CCNI2: variants seen among roughly 807,000 people sequenced by gnomAD.
CCNI2 encodes cyclin I family member 2, also known as cyclin-I2.
A neutral mutation model predicts 33.2 loss-of-function variants in CCNI2; 32 were observed. That is an observed-to-expected ratio of 0.96 (90% confidence interval 0.73 to 1.30). CCNI2 has a LOEUF of 1.30. Among genes scored for constraint, CCNI2 ranks in the 50% most tolerant of loss-of-function variants. The pLI, the probability that CCNI2 is intolerant of heterozygous loss-of-function variation, is 0.00. For missense variants in CCNI2, 452 were observed against 486.2 expected, an observed-to-expected ratio of 0.93 and a Z score of 0.66; for synonymous variants, 231 against 219.9, an observed-to-expected ratio of 1.05 and a Z score of -0.45.
chr5:132,752,038 G>A lies in CCNI2; in HGVS notation c.847G>A (p.Val283Ile), dbSNP rs780414471. ...GCCTCAGAGGAATCCTTCCCTCCAC[G>A]TCGCATCCCTGACCAGGCAGCTGCA... ...LLPQRNPSLH[V>I]ASLTRQLQHC... The change falls in exon 5 of 6, where the codon GTC (valine) becomes ATC (isoleucine). Residue 283 changes from valine to isoleucine, a missense_variant. Physicochemically the swap from Val to Ile is conservative, Grantham distance 29. Transcript: ENST00000378731. 11 of 1,611,346 alleles carry A rather than the reference G, an allele frequency of 6.8e-6. No individual in the cohort carries two copies. The highest frequency in any genetic ancestry group is 2.2e-5 in the East Asian group (1 of 44,856).
In CCNI2 at chr5:132,748,247, G is replaced by A. The variant is rs1754668967; in HGVS notation, c.430-100G>A. ...CATGCAGAGGAAGGGACTTCTCACT[G>A]CCCCACCCCCCGCACCTTAAGCAGG... On this transcript the variant is annotated intron_variant, in intron 1 of 5. Transcript: ENST00000378731. 3 of 1,503,250 alleles carry A rather than the reference G, an allele frequency of 2.0e-6. No homozygotes were observed. The African/African-American group carries it at 4.2e-5, about 21-fold the overall frequency. The allele number at this position is 1,503,250 out of a possible 1,614,324, so 93.1% of individuals were successfully genotyped here. A position where few individuals can be genotyped will look rare whatever the true frequency, so the allele number is the denominator to read the frequency against.
intron 4 of CCNI2, 122 bp from the exon 5 acceptor site, chr5:132,751,844 T>G (rs1581121453): frequency 8.3e-7 from 1 of 1,203,190 alleles, no homozygotes; most frequent in East Asian, 2.6e-5. Context: ...TGGATAGGAA[T>G]GAAAAGGGTT....
intron 3 of CCNI2, among the ~76,000 whole-genome samples, chr5:132,749,652 C>T (rs1435124875): frequency 6.6e-6 from 1 of 152,194 alleles, no homozygotes; most frequent in Non-Finnish European, 1.5e-5. Context: ...AACCTAGAGA[C>T]CTGAACTCTT....
chr5:132,747,903 G>A lies in CCNI2; in HGVS notation c.408G>A (p.Leu136=). The A allele has an allele frequency of 2.2e-6, 3 of 1,388,858 alleles. No individual in the cohort carries two copies. The highest frequency in any genetic ancestry group is 2.8e-6 in the Non-Finnish European group (3 of 1,079,244). The allele number at this position is 1,388,858 out of a possible 1,614,324, so 86.0% of individuals were successfully genotyped here. Residue 136 remains leucine (L), a synonymous_variant, in exon 1 of 6, where the codon CTG becomes CTA. Coordinates refer to ENST00000378731, the MANE Select transcript of CCNI2 (RefSeq NM_001039780.4). This position sits in a 1 kb window ranked among gnomAD's most constrained non-coding sequence, Gnocchi z 4.1. ...LQLAQDREAR[L]WRGGKPQDEI... The stretch of plus-strand genomic sequence containing the variant: ...TGGCCCAGGACCGCGAGGCGCGCCT[G>A]TGGCGGGGCGGCAAACCCCAGGTAC...
chr5:132,755,647 A>C (rs909132987), downstream of CCNI2, among the ~76,000 whole-genome samples: 7 of 152,168 alleles, frequency 4.6e-5, no homozygotes, highest in African/African-American at 1.7e-4. Context: ...CTGGCACTCG[A>C]ATATTAGTAG....
chr5:132,749,326 A>T (rs943688918), intron 2 of CCNI2, 22 bp from the exon 3 acceptor site: 2 of 1,592,784 alleles, frequency 1.3e-6, no homozygotes, highest in African/African-American at 2.7e-5. Context: ...TTCTGCTCAA[A>T]TGTGTTTGTT....
intron 3 of CCNI2, among the ~76,000 whole-genome samples, chr5:132,749,907 G>A (rs985264462): frequency 6.6e-6 from 1 of 152,142 alleles, no homozygotes; most frequent in African/African-American, 2.4e-5. Context: ...AGTACAAGGG[G>A]CCCATGAGCA....
chr5:132,750,492 A>G (rs1262934321), intron 3 of CCNI2, among the ~76,000 whole-genome samples: 1 of 152,172 alleles, frequency 6.6e-6, no homozygotes, highest in Non-Finnish European at 1.5e-5. Context: ...TACCCACGGT[A>G]GGGATCAGGA....
rs1344689144 is a variant in CCNI2 at position 132,747,892 on chromosome 5, G to A, written c.397G>A (p.Glu133Lys). 1.4e-6 allele frequency: 2 copies of A among 1,406,220 alleles called. No homozygotes were observed. Among genetic ancestry groups the A allele is most frequent in the Admixed American group, 3.3e-5 (1 of 30,044 alleles). 87.1% of individuals were successfully genotyped at this position (1,406,220 alleles called of 1,614,324 possible). A position where few individuals can be genotyped will look rare whatever the true frequency, so the allele number is the denominator to read the frequency against. Residue 133 changes from glutamate (E) to lysine (K), a missense_variant, in exon 1 of 6, where the codon GAG becomes AAG. Glu to Lys is a moderately conservative substitution (Grantham distance 56). Coordinates refer to ENST00000378731, the MANE Select transcript of CCNI2 (RefSeq NM_001039780.4). The surrounding 1 kb of genome is among the most constrained non-coding windows in gnomAD (Gnocchi z 4.1). ...CCACTTGCAGCTGGCCCAGGACCGC[G>A]AGGCGCGCCTGTGGCGGGGCGGCAA... ...LCHLQLAQDR[E>K]ARLWRGGKPQ...
downstream of CCNI2, among the ~76,000 whole-genome samples, chr5:132,755,442 C>T (rs1288135152): frequency 6.6e-6 from 1 of 152,166 alleles, no homozygotes; most frequent in East Asian, 1.9e-4. Flanking sequence ...TGCCAAGGAG[C>T]AGGTGTAGCT....
chr5:132,750,342 T>C (rs1754754978), intron 3 of CCNI2, among the ~76,000 whole-genome samples: 1 of 152,218 alleles, frequency 6.6e-6, no homozygotes, highest in Non-Finnish European at 1.5e-5. Flanking sequence ...CCATAGTTTT[T>C]CCAGAACTGA....
chr5:132,755,299 C>T (rs562701850), downstream of CCNI2, among the ~76,000 whole-genome samples: 1 of 152,308 alleles, frequency 6.6e-6, no homozygotes, highest in South Asian at 2.1e-4. Flanking sequence ...TCTGCTCTTC[C>T]TCAGCCACTT....
chr5:132,752,746 C>G, intron 5 of CCNI2, 120 bp from the exon 6 acceptor site: 1 of 727,832 alleles, frequency 1.4e-6, no homozygotes, highest in Non-Finnish European at 2.4e-6. Context: ...ATTAGTGGTC[C>G]TTAGTTGGGT....
chr5:132,755,444 G>A (rs1755238269), downstream of CCNI2, among the ~76,000 whole-genome samples: 1 of 152,130 alleles, frequency 6.6e-6, no homozygotes, highest in Admixed American at 6.5e-5. Flanking sequence ...CCAAGGAGCA[G>A]GTGTAGCTCA....
chr5:132,752,125 A>T lies in CCNI2; in HGVS notation c.934A>T (p.Ile312Phe). 1 of 1,598,456 alleles carries T rather than the reference A, an allele frequency of 6.3e-7. No homozygotes were observed. The highest frequency in any genetic ancestry group is 8.5e-7 in the Non-Finnish European group (1 of 1,171,942). Residue 312 changes from isoleucine (I) to phenylalanine (F), a missense_variant, in exon 5 of 6, where the codon ATC becomes TTC. By Grantham distance (21) the Ile-to-Phe change is conservative. Transcript: ENST00000378731. ...FKGSTLALVI[I>F]TLELERLMPG... is the part of the protein sequence containing the mutation. ...GGGCTCCACACTGGCCTTGGTCATC[A>T]TCACCTTAGAGCTGGAGAGGCTCAT...
chr5:132,748,309 G>C, intron 1 of CCNI2, 38 bp from the exon 2 acceptor site: 2 of 1,610,768 alleles, frequency 1.2e-6, no homozygotes, highest in Non-Finnish European at 1.7e-6. Flanking sequence ...GTGGCCGCTA[G>C]CGACCTTCCT....
Position 132,754,164 on chromosome 5 carries a change from G to A in CCNI2, c.*1194G>A, listed in dbSNP as rs1242568970. On this transcript the variant is annotated 3_prime_UTR_variant, in exon 6 of 6. Transcript: ENST00000378731. ...TTAAAATTACACTTTAATTGCTTCC[G>A]ATCCTGTATGAGTCTTATTTTGAGC... The A allele has an allele frequency of 3.2e-5, 14 of 442,908 alleles. No homozygotes were observed. The highest frequency in any genetic ancestry group is 4.5e-5 in the Non-Finnish European group (11 of 246,788). 27.4% of individuals were successfully genotyped at this position (442,908 alleles called of 1,614,324 possible).
chr5:132,747,476 C>G lies in CCNI2; in HGVS notation c.-20C>G. 4 of 1,436,960 alleles carry G rather than the reference C, an allele frequency of 2.8e-6. No individual in the cohort carries two copies. The highest frequency in any genetic ancestry group is 3.6e-6 in the Non-Finnish European group (4 of 1,101,220). 89.0% of individuals were successfully genotyped at this position (1,436,960 alleles called of 1,614,324 possible). A position where few individuals can be genotyped will look rare whatever the true frequency, so the allele number is the denominator to read the frequency against. The stretch of plus-strand genomic sequence containing the variant: ...ATGCCGGGTTAAGCGGCAACTCAGA[C>G]TCAGGATCCCGCTCACGACATGGCC... On this transcript the variant is annotated 5_prime_UTR_variant, in exon 1 of 6. Coordinates refer to ENST00000378731, the MANE Select transcript of CCNI2 (RefSeq NM_001039780.4). This position sits in a 1 kb window ranked among gnomAD's most constrained non-coding sequence, Gnocchi z 4.1.
In CCNI2 at chr5:132,747,660, G is replaced by T; in HGVS notation, c.165G>T (p.Arg55Ser). The T allele has an allele frequency of 6.7e-7, 1 of 1,503,104 alleles. No homozygotes were observed. Among genetic ancestry groups the T allele is most frequent in the Non-Finnish European group, 8.8e-7 (1 of 1,133,092 alleles). The allele number at this position is 1,503,104 out of a possible 1,614,324, so 93.1% of individuals were successfully genotyped here. The change falls in exon 1 of 6, where the codon AGG becomes AGT. Residue 55 changes from arginine (R) to serine (S), a missense_variant. Coordinates refer to ENST00000378731, the MANE Select transcript of CCNI2 (RefSeq NM_001039780.4). The surrounding 1 kb of genome is among the most constrained non-coding windows in gnomAD (Gnocchi z 4.1). ...EAPLPRSNRS[R>S]CPGTRQPGAA... ...CTCTGCCCCGAAGCAACCGGAGCAG[G>T]TGCCCTGGGACCCGCCAGCCCGGAG...
Sources: gnomAD v4.1 joint callset for allele counts (sites outside exome capture counted in the v4.1 genomes callset) on GRCh38, gnomAD v4.1.1 for gene constraint, Gnocchi (gnomAD v3.1) non-coding constraint, MANE v1.5 for transcripts, NCBI Gene and HGNC (gene_info 2026-07-23, HGNC 2026-07-21) for gene names.